ZFAND6: variants seen among roughly 807,000 people sequenced by gnomAD.
ZFAND6 encodes AN1-type zinc finger protein 6.
In ZFAND6, 12 loss-of-function variants were observed where a neutral mutation model predicts 24.5. The ratio of observed to expected loss-of-function variants is 0.49; its 90% CI spans 0.31 to 0.79. The LOEUF is 0.79. Ranked by LOEUF, ZFAND6 falls within the 30% of genes least tolerant of loss-of-function variation. ZFAND6 has a pLI of 0.04. For missense variants in ZFAND6, 207 were observed against 245.9 expected (o/e 0.84, Z 1.06); for synonymous variants, 92 against 81.5 (o/e 1.13, Z -0.69).
At chr15:80,071,901 ATAG>A (rs780644652) in intron 1 of ZFAND6, among the ~76,000 whole-genome samples, 25 of 152,090 alleles carry the variant, frequency 1.6e-4, no homozygotes, top group Non-Finnish European at 2.9e-4. Context: ...GTTAAATGTA[ATAG>A]TATTTCTGCC....
Position 80,135,278 on chromosome 15 carries a change from C to T in ZFAND6, c.479-2202C>T, listed in dbSNP as rs75318459. ...ATTAATAATATACAAACATACAACA[C>T]AAAATATGTGTTAGTCGACTATGTT... On this transcript the variant is annotated intron_variant, in intron 6 of 6. Coordinates refer to ENST00000261749, the MANE Select transcript of ZFAND6 (RefSeq NM_019006.4). 0.021 allele frequency among the ~76,000 whole-genome samples: 3,127 copies of T among 152,204 alleles called. 227 individuals are homozygous for T. In the East Asian group the frequency reaches 0.22, roughly 11 times the overall value.
Position 80,137,684 on chromosome 15 carries a change from GT to G in ZFAND6, c.*66del, listed in dbSNP as rs959457397. On this transcript the variant is annotated 3_prime_UTR_variant, in exon 7 of 7. Transcript: ENST00000261749. ...TCTGCAAACTAAAAATTGACTTGAGGTTTTTTTTTTCCTAGTCATTGGGAAT... is the reference window on the plus strand; with the variant it reads ...TCTGCAAACTAAAAATTGACTTGAGGTTTTTTTTTCCTAGTCATTGGGAAT... The G allele has an allele frequency of 5.9e-4, 817 of 1,388,984 alleles. 2 individuals are homozygous for G. Among genetic ancestry groups the G allele is most frequent in the South Asian group, 5.9e-3 (372 of 63,456 alleles). The allele number at this position is 1,388,984 out of a possible 1,614,324, so 86.0% of individuals were successfully genotyped here. A position where few individuals can be genotyped will look rare whatever the true frequency, so the allele number is the denominator to read the frequency against.
intron 2 of ZFAND6, among the ~76,000 whole-genome samples, chr15:80,100,127 T>C (rs932046793): frequency 1.3e-5 from 2 of 152,178 alleles, no homozygotes; most frequent in African/African-American, 4.8e-5. Flanking sequence ...AGAATAAATA[T>C]TTATAATCTT....
intron 2 of ZFAND6, among the ~76,000 whole-genome samples, chr15:80,110,611 CA>C (rs201535404): frequency 6.6e-6 from 1 of 150,434 alleles, no homozygotes; most frequent in East Asian, 1.9e-4. Flanking sequence ...TACTAGATAT[CA>C]AAAAAAACTG....
chr15:80,096,905 A>G (rs555046057), intron 1 of ZFAND6, among the ~76,000 whole-genome samples: 5 of 152,300 alleles, frequency 3.3e-5, no homozygotes, highest in Admixed American at 6.5e-5. Flanking sequence ...GCAGGTGAAT[A>G]GGAAATGCAT....
At chr15:80,099,837 A>T (rs535956485) in intron 2 of ZFAND6, among the ~76,000 whole-genome samples, 2 of 152,106 alleles carry the variant, frequency 1.3e-5, no homozygotes, top group Non-Finnish European at 2.9e-5. Flanking sequence ...GTCTGGTCTC[A>T]AACTCCTGAC....
chr15:80,087,442 CT>C (rs1290214758), intron 1 of ZFAND6, among the ~76,000 whole-genome samples: 1 of 152,222 alleles, frequency 6.6e-6, no homozygotes, highest in East Asian at 1.9e-4. Context: ...TAATATCCTA[CT>C]TTTCTGACTG....
At chr15:80,109,697 G>A (rs958721346) in intron 2 of ZFAND6, among the ~76,000 whole-genome samples, 2 of 152,158 alleles carry the variant, frequency 1.3e-5, no homozygotes, top group Admixed American at 1.3e-4. Context: ...GAGTAAGCAG[G>A]CAGTGTGATT....
At chr15:80,080,364 A>G (rs2037588804) in intron 1 of ZFAND6, among the ~76,000 whole-genome samples, 1 of 152,186 alleles carries the variant, frequency 6.6e-6, no homozygotes, top group Non-Finnish European at 1.5e-5. Context: ...GTTGCCCCTT[A>G]TTCATGGGAG....
intron 1 of ZFAND6, among the ~76,000 whole-genome samples, chr15:80,080,816 A>T (rs1326426130): frequency 6.6e-6 from 1 of 152,232 alleles, no homozygotes; most frequent in African/African-American, 2.4e-5. Context: ...GACAAAAGCC[A>T]GGAGCTAAAG....
intron 1 of ZFAND6, among the ~76,000 whole-genome samples, chr15:80,084,699 TG>T (rs1441016651): frequency 6.6e-6 from 1 of 152,242 alleles, no homozygotes; most frequent in Non-Finnish European, 1.5e-5. Flanking sequence ...TGTTGAATTT[TG>T]AGATTTAGGA....
chr15:80,062,970 G>A (rs934619741), intron 1 of ZFAND6, among the ~76,000 whole-genome samples: 7 of 152,122 alleles, frequency 4.6e-5, no homozygotes, highest in African/African-American at 1.7e-4. Flanking sequence ...GATGATAATA[G>A]AAGTCATCTG....
Position 80,076,022 on chromosome 15 carries a change from T to G in ZFAND6, c.-181+16213T>G, listed in dbSNP as rs577816576. Among the ~76,000 whole-genome samples, 8 of 152,298 alleles carry G rather than the reference T, an allele frequency of 5.3e-5. No individual in the cohort carries two copies. The South Asian group carries it at 1.7e-3, about 32-fold the overall frequency. ...TTCTCATTATTTTCATGATACTGTC[T>G]GTGCTTTCCTCATTAGTGATCTCTG... On this transcript the variant is annotated intron_variant, in intron 1 of 6. Coordinates refer to ENST00000261749, the MANE Select transcript of ZFAND6 (RefSeq NM_019006.4).
chr15:80,118,016 T>TTGTGTG (rs71455308), intron 2 of ZFAND6, among the ~76,000 whole-genome samples: 7,090 of 150,134 alleles, frequency 0.047, 340 homozygotes, highest in East Asian at 0.22. Context: ...AGGTATTGAA[T>TTGTGTG]TGTGTGTGTG....
intron 2 of ZFAND6, among the ~76,000 whole-genome samples, chr15:80,106,449 T>C (rs962549336): frequency 2.0e-5 from 3 of 152,324 alleles, no homozygotes; most frequent in East Asian, 1.9e-4. Context: ...TGAGCAGTTA[T>C]GACAGACTCT....
At chr15:80,059,962 A>G (rs556544255) in intron 1 of ZFAND6, among the ~76,000 whole-genome samples, 153 bp downstream of exon 1, 48 of 150,866 alleles carry the variant, frequency 3.2e-4, no homozygotes, top group Middle Eastern at 3.4e-3. Flanking sequence ...CCGGCGCAGC[A>G]GGTGGTGGGC....
At chr15:80,067,187 A>G (rs1229708783) in intron 1 of ZFAND6, among the ~76,000 whole-genome samples, 1 of 152,084 alleles carries the variant, frequency 6.6e-6, no homozygotes, top group Non-Finnish European at 1.5e-5. Context: ...GGAGACTTTT[A>G]TTTTTTATTT....
chr15:80,060,859 T>C (rs1314127173), intron 1 of ZFAND6: 1 of 152,224 alleles, frequency 6.6e-6, no homozygotes, highest in African/African-American at 2.4e-5. Context: ...AGGCGGAGGT[T>C]GCAGTGAACC....
At chr15:80,128,027 C>A (rs190109467) in intron 5 of ZFAND6, among the ~76,000 whole-genome samples, 1 of 152,270 alleles carries the variant, frequency 6.6e-6, no homozygotes, top group African/African-American at 2.4e-5. Context: ...AATTCTGATA[C>A]ATGCCACAGT....
Sources: gnomAD v4.1 joint callset for allele counts (sites outside exome capture counted in the v4.1 genomes callset) on GRCh38, gnomAD v4.1.1 for gene constraint, MANE v1.5 for transcripts, NCBI Gene and HGNC (gene_info 2026-07-23, HGNC 2026-07-21) for gene names.